FAM3D: variants seen among roughly 807,000 people sequenced by gnomAD.
FAM3D encodes the protein protein FAM3D.
In FAM3D, 26 loss-of-function variants were observed where a neutral mutation model predicts 29.8. The ratio of observed to expected loss-of-function variants is 0.87; its 90% CI spans 0.64 to 1.21. The LOEUF (loss-of-function observed/expected upper bound fraction) is 1.21, where lower values mean the gene tolerates loss of function less well. FAM3D is among the 50% of genes most tolerant of loss of function. The probability of loss-of-function intolerance (pLI) is 0.00; values close to 1 mark genes in which losing one functional copy is unlikely to be tolerated. For synonymous variants in FAM3D, 115 were observed against 102.3 expected, an observed-to-expected ratio of 1.12 and a Z score of -0.75; for missense variants, 253 against 290.9, an observed-to-expected ratio of 0.87 and a Z score of 0.95.
Position 58,653,656 on chromosome 3 carries a change from G to A in FAM3D, c.121+18C>T. 6.2e-7 allele frequency: 1 copy of A among 1,608,304 alleles called. No individual in the cohort carries two copies. The highest frequency in any genetic ancestry group is 8.5e-7 in the Non-Finnish European group (1 of 1,175,938). On this transcript the variant is annotated intron_variant, in intron 3 of 9. Coordinates refer to ENST00000358781, the MANE Select transcript of FAM3D (RefSeq NM_138805.3). ...GCCTGGTCTGCAGTTCCTGCCCCCA[G>A]CAGTGAGCCCCACTCACCCAGCCAG...
chr3:58,665,574 G>A (rs938544329), intron 1 of FAM3D, among the ~76,000 whole-genome samples: 1 of 152,142 alleles, frequency 6.6e-6, no homozygotes, highest in Non-Finnish European at 1.5e-5. Flanking sequence ...CCCAATTAAT[G>A]CTCACTGGAT....
chr3:58,656,095 T>TCCTA (rs1454229947), intron 1 of FAM3D, among the ~76,000 whole-genome samples: 2 of 152,106 alleles, frequency 1.3e-5, no homozygotes, highest in Non-Finnish European at 2.9e-5. Flanking sequence ...CTTCCTTCCT[T>TCCTA]CCTACCAGCC....
At chr3:58,646,433 C>T (rs997569409) in intron 4 of FAM3D, among the ~76,000 whole-genome samples, 1 of 152,174 alleles carries the variant, frequency 6.6e-6, no homozygotes, top group African/African-American at 2.4e-5. Flanking sequence ...GGGGGAGATG[C>T]TGGTGGGACC....
chr3:58,653,506 A>C (rs540712972), intron 3 of FAM3D, among the ~76,000 whole-genome samples, 168 bp downstream of exon 3: 1 of 151,972 alleles, frequency 6.6e-6, no homozygotes, highest in Non-Finnish European at 1.5e-5. Flanking sequence ...CATGGACTCC[A>C]CCCTTCCTGG....
intron 7 of FAM3D, among the ~76,000 whole-genome samples, chr3:58,637,921 G>A (rs1038066130): frequency 6.5e-5 from 9 of 137,518 alleles, no homozygotes; most frequent in South Asian, 2.5e-4. Context: ...TTTCTCTCTC[G>A]TTGCCCAGGC....
rs372504404 is a variant in FAM3D, at chr3:58,645,748, G to A, written c.146-122C>T. The stretch of plus-strand genomic sequence containing the variant: ...GGGATGAAGCTCAGAGCCTCTTTCT[G>A]GGGGAGCCTTCGCTGATTGCAAAGT... On this transcript the variant is annotated intron_variant, in intron 4 of 9. Coordinates refer to ENST00000358781, the MANE Select transcript of FAM3D (RefSeq NM_138805.3). The A allele has an allele frequency of 3.4e-4, 282 of 839,256 alleles. 5 individuals carry two copies. The East Asian group carries it at 4.6e-3, about 14-fold the overall frequency. The allele number at this position is 839,256 out of a possible 1,614,324, so 52.0% of individuals were successfully genotyped here. A position where few individuals can be genotyped will look rare whatever the true frequency, so the allele number is the denominator to read the frequency against.
At position 58,637,188 on chromosome 3, in the gene FAM3D, C is replaced by CG; in HGVS notation, c.410dup (p.Ala140CysfsTer18). The CG allele has an allele frequency of 6.2e-7, 1 of 1,613,938 alleles. No individual in the cohort carries two copies. The highest frequency in any genetic ancestry group is 8.5e-7 in the Non-Finnish European group (1 of 1,179,976). On this transcript the variant is annotated frameshift_variant, in exon 8 of 10. Coordinates refer to ENST00000358781, the MANE Select transcript of FAM3D (RefSeq NM_138805.3). LOFTEE classifies it high-confidence loss of function. ...AGGCCACCAGCACCAGTGCACCCCC[C>CG]GGAATTTCTTTAAGGAATTTCACTA... is the stretch of plus-strand genomic sequence containing the variant.
chr3:58,648,530 C>T (rs1347982567), intron 4 of FAM3D, among the ~76,000 whole-genome samples: 2 of 152,070 alleles, frequency 1.3e-5, no homozygotes, highest in African/African-American at 4.8e-5. Flanking sequence ...GCCTTAGTTT[C>T]CTTACCTATA....
At chr3:58,645,379 C>T in intron 5 of FAM3D, 130 bp downstream of exon 5, 2 of 603,794 alleles carry the variant, frequency 3.3e-6, no homozygotes, top group Non-Finnish European at 2.7e-6. Context: ...GTGCCTCACA[C>T]ACCCAGAGTG....
rs143553631 is a variant in FAM3D at position 58,634,842 on chromosome 3, G to C, written c.586-474C>G. Among the ~76,000 whole-genome samples the C allele has an allele frequency of 4.2e-3, 642 of 152,176 alleles. 9 individuals are homozygous for C. Among genetic ancestry groups the C allele is most frequent in the African/African-American group, 0.015 (607 of 41,520 alleles). Reference sequence around the variant, plus strand: ...AGAGGGTCACTGCCCGTAGTCACTGGCTGGTAAGTGGCAGAACCACCACAT... The same window carrying C: ...AGAGGGTCACTGCCCGTAGTCACTGCCTGGTAAGTGGCAGAACCACCACAT... On this transcript the variant is annotated intron_variant, in intron 9 of 9. Transcript: ENST00000358781. This position sits in a 1 kb window ranked among gnomAD's most constrained non-coding sequence, Gnocchi z 4.6.
chr3:58,639,355 A>T (rs568233507), intron 7 of FAM3D, among the ~76,000 whole-genome samples: 1 of 152,150 alleles, frequency 6.6e-6, no homozygotes, highest in African/African-American at 2.4e-5. Flanking sequence ...TATGTCACAG[A>T]TGAAGAAACT....
Position 58,655,669 on chromosome 3 carries a change from G to C in FAM3D, c.-38-68C>G, listed in dbSNP as rs113249695. On this transcript the variant is annotated intron_variant, in intron 1 of 9. Coordinates refer to ENST00000358781, the MANE Select transcript of FAM3D (RefSeq NM_138805.3). ...TGCAAGTGATCAAGCCTGAAGATGA[G>C]GGAAAGGGACCTCTAACTGTGGAGA... 4.6e-6 allele frequency: 6 copies of C among 1,305,416 alleles called. No individual in the cohort carries two copies. In the African/African-American group the frequency reaches 5.8e-5, roughly 13 times the overall value. The allele number at this position is 1,305,416 out of a possible 1,614,324, so 80.9% of individuals were successfully genotyped here. A position where few individuals can be genotyped will look rare whatever the true frequency, so the allele number is the denominator to read the frequency against.
At chr3:58,637,380 T>G (rs909730941) in intron 7 of FAM3D, among the ~76,000 whole-genome samples, 155 bp from the exon 8 acceptor site, 3 of 152,142 alleles carry the variant, frequency 2.0e-5, no homozygotes, top group Non-Finnish European at 4.4e-5. Flanking sequence ...CAGGTGGAGC[T>G]CCCTGTAGCC....
intron 4 of FAM3D, among the ~76,000 whole-genome samples, chr3:58,648,991 CTGTG>C (rs2066551859): frequency 6.6e-6 from 1 of 152,176 alleles, no homozygotes. Flanking sequence ...GGGCTCCCAG[CTGTG>C]TGGGGTTGTC....
intron 4 of FAM3D, among the ~76,000 whole-genome samples, chr3:58,648,846 G>A (rs2066547814): frequency 6.6e-6 from 1 of 152,186 alleles, no homozygotes; most frequent in Non-Finnish European, 1.5e-5. Context: ...CACCCCAACA[G>A]ACAATCAGCA....
chr3:58,650,803 C>T (rs886792759), intron 3 of FAM3D, among the ~76,000 whole-genome samples: 3 of 152,244 alleles, frequency 2.0e-5, no homozygotes, highest in East Asian at 1.9e-4. Context: ...CTGCAAGCTC[C>T]GCCTCCCGGG....
At chr3:58,638,442 C>T (rs1472049666) in intron 7 of FAM3D, among the ~76,000 whole-genome samples, 1 of 152,186 alleles carries the variant, frequency 6.6e-6, no homozygotes, top group East Asian at 1.9e-4. Flanking sequence ...AGTAACAGCC[C>T]TGCTTATAAC....
rs1280479173 is a variant in FAM3D, at chr3:58,635,265, A to G, written c.586-897T>C. 6.6e-6 allele frequency among the ~76,000 whole-genome samples: 1 copy of G among 152,222 alleles called. No homozygotes were observed. Among genetic ancestry groups the G allele is most frequent in the Non-Finnish European group, 1.5e-5 (1 of 68,044 alleles). ...ATGCTCAGGTTTGGATTATGAAAGA[A>G]AAAAACGTAAATGGCAAAATCTGCT... is the stretch of plus-strand genomic sequence containing the variant. On this transcript the variant is annotated intron_variant, in intron 9 of 9. Coordinates refer to ENST00000358781, the MANE Select transcript of FAM3D (RefSeq NM_138805.3). This position sits in a 1 kb window ranked among gnomAD's most constrained non-coding sequence, Gnocchi z 5.2.
chr3:58,643,751 C>G (rs773428681), intron 5 of FAM3D, 31 bp from the exon 6 acceptor site: 1 of 1,609,618 alleles, frequency 6.2e-7, no homozygotes. Context: ...ATATGACAGT[C>G]GGTCCCGAGT....
Sources: allele counts gnomAD v4.1 joint callset (sites outside exome capture counted in the v4.1 genomes callset), GRCh38; gene constraint gnomAD v4.1.1; non-coding constraint Gnocchi (gnomAD v3.1); transcripts MANE v1.5; gene names NCBI Gene and HGNC (gene_info 2026-07-23, HGNC 2026-07-21).